HPS4: variants seen among roughly 807,000 people sequenced by gnomAD.
HPS4 encodes BLOC-3 complex member HPS4.
HPS4 carries 44 observed loss-of-function variants against 70.3 expected under a neutral mutation model. That is an observed-to-expected ratio of 0.63 (90% CI 0.49 to 0.80). HPS4 has a LOEUF of 0.80. Ranked by LOEUF, HPS4 falls within the 30% of genes least tolerant of loss-of-function variation. HPS4 has a pLI of 0.00. For synonymous variants in HPS4, 377 were observed against 355.9 expected (o/e 1.06, Z -0.67); for missense variants, 873 against 884.4 (o/e 0.99, Z 0.16).
Position 26,472,421 on chromosome 22 carries a change from A to G in HPS4, c.385-3T>C, listed in dbSNP as rs770612143. The G allele has an allele frequency of 6.3e-7, 1 of 1,576,922 alleles. No individual in the cohort carries two copies. Among genetic ancestry groups the G allele is most frequent in the Non-Finnish European group, 8.7e-7 (1 of 1,146,064 alleles). ...CTCAGTTCTTCCTGAGAACAGTTCT[A>G]AAACAGAAAGAGCCTCAGGTCAATA... On this transcript the variant is annotated splice_polypyrimidine_tract_variant and splice_region_variant and intron_variant, in intron 5 of 13. Coordinates refer to ENST00000398145, the MANE Select transcript of HPS4 (RefSeq NM_022081.6).
intron 3 of HPS4, among the ~76,000 whole-genome samples, chr22:26,479,011 A>G (rs534929223): frequency 6.6e-6 from 1 of 152,312 alleles, no homozygotes; most frequent in South Asian, 2.1e-4. Flanking sequence ...AACCAAGCTG[A>G]TCAAAAAATT....
Position 26,453,065 on chromosome 22 carries a change from C to A in HPS4, c.*168G>T. 1 of 739,982 alleles carries A rather than the reference C, an allele frequency of 1.4e-6. No individual in the cohort carries two copies. The highest frequency in any genetic ancestry group is 2.6e-5 in the East Asian group (1 of 38,898). The allele number at this position is 739,982 out of a possible 1,614,324, so 45.8% of individuals were successfully genotyped here. A position where few individuals can be genotyped will look rare whatever the true frequency, so the allele number is the denominator to read the frequency against. Reference sequence around the variant, plus strand: ...CGACCTGAAGAACTAACCCCTGCCCCCAAAACACATCCCAATCTGCAAAAG... The same window carrying A: ...CGACCTGAAGAACTAACCCCTGCCCACAAAACACATCCCAATCTGCAAAAG... On this transcript the variant is annotated 3_prime_UTR_variant, in exon 14 of 14. Transcript: ENST00000398145.
intron 4 of HPS4, 94 bp from the exon 5 acceptor site, chr22:26,473,033 C>T: frequency 9.7e-7 from 1 of 1,027,678 alleles, no homozygotes. Flanking sequence ...TACCTGACTT[C>T]ACTGGCCCAT....
intron 2 of HPS4, among the ~76,000 whole-genome samples, chr22:26,480,575 C>T (rs1440387945): frequency 1.3e-5 from 2 of 152,148 alleles, no homozygotes; most frequent in Non-Finnish European, 2.9e-5. Flanking sequence ...GATCTATGCC[C>T]TCTCTGAAGC....
chr22:26,453,307 G>A lies in HPS4; in HGVS notation c.2053C>T (p.Pro685Ser). 6.2e-7 allele frequency: 1 copy of A among 1,614,180 alleles called. No homozygotes were observed. The highest frequency in any genetic ancestry group is 1.3e-5 in the African/African-American group (1 of 75,040). The part of the protein sequence containing the change: ...PAARSSGFPN[P>S]QDGAFSLSGK... ...GAGAGGCTGAAGGCGCCATCCTGAG[G>A]GTTTGGGAAGCCGGAGCTCCGTGCT... The change falls in exon 14 of 14, where the codon CCT becomes TCT. Residue 685 changes from proline (P) to serine (S), a missense_variant. Pro to Ser is a moderately conservative substitution (Grantham distance 74, BLOSUM62 -1). Transcript: ENST00000398145.
intron 4 of HPS4, among the ~76,000 whole-genome samples, chr22:26,474,520 A>T (rs2090264106): frequency 6.6e-6 from 1 of 152,194 alleles, no homozygotes; most frequent in South Asian, 2.1e-4. Context: ...CCTCCAATGG[A>T]GTAGGCAGTG....
At chr22:26,444,312 T>C (rs554939980) in exon 4 of HPS4, 2 of 152,316 alleles carry the variant, frequency 1.3e-5, no homozygotes, top group South Asian at 2.1e-4. Context: ...CCTGTGTCTT[T>C]GTCATGGCAC....
At chr22:26,482,370 G>A (rs556539244) in intron 1 of HPS4, 130 bp from the exon 2 acceptor site, 1 of 155,442 alleles carries the variant, frequency 6.4e-6, no homozygotes, top group South Asian at 1.9e-4. Context: ...AAATCAAAGA[G>A]GGAGGCTTGC....
At position 26,451,987 on chromosome 22, in the gene HPS4, C is replaced by A; in HGVS notation, c.*1246G>T. 1 of 19,172 alleles carries A rather than the reference C, an allele frequency of 5.2e-5. No homozygotes were observed. Among genetic ancestry groups the A allele is most frequent in the Non-Finnish European group, 1.3e-4 (1 of 7,994 alleles). The allele number at this position is 19,172 out of a possible 1,614,324, so 1.2% of individuals were successfully genotyped here. On this transcript the variant is annotated 3_prime_UTR_variant, in exon 14 of 14. Transcript: ENST00000398145. ...GGAAAAGAGGGATGCGCCCACGTTA[C>A]GCGCGCGCGCGCGCGCGCACACACA...
At chr22:26,468,296 G>C in intron 8 of HPS4, 3 of 537,756 alleles carry the variant, frequency 5.6e-6, no homozygotes. Context: ...CTTATGGGAA[G>C]TCGAATTCAA....
chr22:26,449,274 A>C (rs962838361), downstream of HPS4, among the ~76,000 whole-genome samples: 1 of 149,284 alleles, frequency 6.7e-6, no homozygotes, highest in Non-Finnish European at 1.5e-5. Flanking sequence ...TCCCCTACTC[A>C]GGAGCTAGTG....
intron 8 of HPS4, 43 bp from the exon 9 acceptor site, chr22:26,466,305 T>C (rs200549205): frequency 1.1e-5 from 17 of 1,608,544 alleles, no homozygotes; most frequent in Middle Eastern, 3.4e-4. Flanking sequence ...GGCACCACAT[T>C]CTCCTCTTGA....
chr22:26,466,192 T>C (rs2088571118), intron 9 of HPS4, 34 bp downstream of exon 9: 1 of 1,613,940 alleles, frequency 6.2e-7, no homozygotes, highest in African/African-American at 1.3e-5. Context: ...AAGACCGCCG[T>C]TCTCAAGAGG....
intron 13 of HPS4, among the ~76,000 whole-genome samples, chr22:26,454,800 C>G (rs1459636520): frequency 6.6e-6 from 1 of 151,772 alleles, no homozygotes; most frequent in East Asian, 1.9e-4. Flanking sequence ...AGGCAACCTA[C>G]AGAACGGGAG....
intron 4 of HPS4, 31 bp downstream of exon 4, chr22:26,476,962 A>G (rs368555892): frequency 2.9e-4 from 468 of 1,612,132 alleles, no homozygotes; most frequent in Non-Finnish European, 3.8e-4. Context: ...TCATTGCAAC[A>G]CTTCAGCACT....
At chr22:26,480,562 C>T (rs1414471250) in intron 2 of HPS4, among the ~76,000 whole-genome samples, 1 of 152,158 alleles carries the variant, frequency 6.6e-6, no homozygotes, top group African/African-American at 2.4e-5. Context: ...GCTCTCTTCC[C>T]TGGATCTATG....
chr22:26,475,331 A>C (rs2090380625), intron 4 of HPS4: 1 of 151,930 alleles, frequency 6.6e-6, no homozygotes, highest in African/African-American at 2.4e-5. Flanking sequence ...TGTAACCACA[A>C]ACAAGCATTA....
At chr22:26,453,573 T>G (rs2085562625) in intron 13 of HPS4, 169 bp from the exon 14 acceptor site, 1 of 716,974 alleles carries the variant, frequency 1.4e-6, no homozygotes, top group Non-Finnish European at 2.5e-6. Context: ...CAGGCTTCAG[T>G]GCCAATACCA....
downstream of HPS4, among the ~76,000 whole-genome samples, chr22:26,446,283 C>G (rs1201470546): frequency 1.3e-5 from 2 of 152,304 alleles, no homozygotes; most frequent in East Asian, 3.9e-4. Context: ...GATCCCAAAC[C>G]CTTTCTCCCA....
Sources: allele counts gnomAD v4.1 joint callset (sites outside exome capture counted in the v4.1 genomes callset), GRCh38; gene constraint gnomAD v4.1.1; transcripts MANE v1.5; gene names NCBI Gene and HGNC (gene_info 2026-07-23, HGNC 2026-07-21).